The following SYDE2 variants were observed in gnomAD, a reference collection of about 807,000 sequenced individuals.
SYDE2 encodes the protein synapse defective Rho GTPase homolog 2, also known as rho GTPase-activating protein SYDE2.
Under a neutral mutation model 91.5 loss-of-function variants are expected in SYDE2, and 76 were observed. The ratio of observed to expected loss-of-function variants is 0.83; its 90% CI spans 0.69 to 1.01. The LOEUF is 1.01. Ranked by LOEUF, SYDE2 falls within the 50% of genes least tolerant of loss-of-function variation. The pLI is 0.00. For missense variants in SYDE2, 1,364 were observed against 1,367.7 expected (o/e 1.00, Z 0.04); for synonymous variants, 513 against 506.4 (o/e 1.01, Z -0.18).
At position 85,169,088 on chromosome 1, in the gene SYDE2, T is replaced by C. The variant is rs1246005599; in HGVS notation, c.2809A>G (p.Lys937Glu). The change falls in exon 5 of 7, where the codon AAG becomes GAG. Residue 937 changes from lysine (K) to glutamate (E), a missense_variant. Physicochemically the swap from Lys to Glu is moderately conservative, Grantham distance 56 (BLOSUM62 1). Coordinates refer to ENST00000341460, the MANE Select transcript of SYDE2 (RefSeq NM_032184.2). ...CAATCCAGCAGGTCAACAGTGTACTTAGAGTCACCTGGGTCATTCTCACAA... is the reference window on the plus strand; with the variant it reads ...CAATCCAGCAGGTCAACAGTGTACTCAGAGTCACCTGGGTCATTCTCACAA... ...NGCENDPGDS[K>E]YTVDLLDCLP... The C allele has an allele frequency of 4.3e-6, 7 of 1,613,786 alleles. No homozygotes were observed. The highest frequency in any genetic ancestry group is 4.0e-5 in the African/African-American group (3 of 74,926).
intron 1 of SYDE2, among the ~76,000 whole-genome samples, chr1:85,196,033 T>C (rs539462875): frequency 3.3e-5 from 5 of 152,300 alleles, no homozygotes; most frequent in African/African-American, 1.2e-4. Flanking sequence ...TACGGCCTCC[T>C]CTCTTGCATT....
chr1:85,179,532 C>T (rs1448611560), intron 3 of SYDE2, among the ~76,000 whole-genome samples: 1 of 152,148 alleles, frequency 6.6e-6, no homozygotes, highest in African/African-American at 2.4e-5. Flanking sequence ...GGTGCTGCTA[C>T]ATTCAAAAGG....
At chr1:85,152,639 G>T (rs918932866), downstream of SYDE2, 1 of 152,050 alleles carries the variant, frequency 6.6e-6, no homozygotes, top group African/African-American at 2.4e-5. Context: ...ACAATTAATT[G>T]AACAGCTTCT....
At chr1:85,156,297 T>C (rs1404105273), downstream of SYDE2, among the ~76,000 whole-genome samples, 1 of 151,848 alleles carries the variant, frequency 6.6e-6, no homozygotes, top group African/African-American at 2.4e-5. Context: ...CTGTAATCCT[T>C]GCACTTTGGG....
intron 4 of SYDE2, among the ~76,000 whole-genome samples, chr1:85,174,639 C>T (rs1657625645): frequency 6.6e-6 from 1 of 152,068 alleles, no homozygotes; most frequent in South Asian, 2.1e-4. Flanking sequence ...CTAACCCACC[C>T]CCACCTTACC....
chr1:85,194,417 C>G (rs1039331540), intron 1 of SYDE2, among the ~76,000 whole-genome samples: 3 of 147,916 alleles, frequency 2.0e-5, no homozygotes, highest in Non-Finnish European at 3.0e-5. Context: ...CAGGGTCTCA[C>G]TGTTGCCTAT....
chr1:85,168,745 CA>C (rs1455588211), intron 5 of SYDE2, among the ~76,000 whole-genome samples: 2 of 151,978 alleles, frequency 1.3e-5, no homozygotes, highest in East Asian at 3.9e-4. Context: ...TGTATCTTTT[CA>C]ATATTTCTAT....
rs1001695639 is a variant in SYDE2, at chr1:85,157,281, A to T, written c.*1469T>A. The T allele has an allele frequency of 6.6e-6, 1 of 152,084 alleles. No individual in the cohort carries two copies. Among genetic ancestry groups the T allele is most frequent in the Non-Finnish European group, 1.5e-5 (1 of 67,946 alleles). The allele number at this position is 152,084 out of a possible 1,614,324, so 9.4% of individuals were successfully genotyped here. A position where few individuals can be genotyped will look rare whatever the true frequency, so the allele number is the denominator to read the frequency against. On this transcript the variant is annotated 3_prime_UTR_variant, in exon 7 of 7. Coordinates refer to ENST00000341460, the MANE Select transcript of SYDE2 (RefSeq NM_032184.2). ...ACATATTCTGTAGATATAAAAGTTA[A>T]AAAAATACATTTTGATTTAATACAA...
intron 4 of SYDE2, among the ~76,000 whole-genome samples, chr1:85,175,177 T>G (rs1657648972): frequency 6.6e-6 from 1 of 152,210 alleles, no homozygotes; most frequent in East Asian, 1.9e-4. Flanking sequence ...TTAAAAAGCC[T>G]TCTGTTCTTT....
rs1462564119 is a variant in SYDE2 at position 85,164,550 on chromosome 1, G to T, written c.3061C>A (p.His1021Asn). The change falls in exon 6 of 7, where the codon CAT becomes AAT. Residue 1021 changes from histidine (H) to asparagine (N), a missense_variant. Coordinates refer to ENST00000341460, the MANE Select transcript of SYDE2 (RefSeq NM_032184.2). ...LDFKKHIEVL[H>N]YLLQLWPVQR... ...CCTGGCCAGAGTTGGAGTAAGTAAT[G>T]AAGAACTTCAATGTGTTTTTTAAAA... The T allele has an allele frequency of 6.2e-7, 1 of 1,600,796 alleles. No homozygotes were observed. The highest frequency in any genetic ancestry group is 1.1e-5 in the South Asian group (1 of 87,554).
chr1:85,167,166 T>C (rs1236875100), intron 5 of SYDE2, among the ~76,000 whole-genome samples: 2 of 149,692 alleles, frequency 1.3e-5, no homozygotes, highest in Admixed American at 6.6e-5. Flanking sequence ...GTGAGCTGTG[T>C]TTGCACCACC....
chr1:85,195,267 A>G (rs1197363704), intron 1 of SYDE2, among the ~76,000 whole-genome samples: 2 of 152,140 alleles, frequency 1.3e-5, no homozygotes, highest in Non-Finnish European at 2.9e-5. Flanking sequence ...AAAAATCCCA[A>G]ATAAAAGTAT....
chr1:85,171,185 A>C (rs1032403642), intron 4 of SYDE2, among the ~76,000 whole-genome samples: 58 of 152,304 alleles, frequency 3.8e-4, no homozygotes, highest in African/African-American at 1.3e-3. Context: ...TCTGAGATGA[A>C]AGAGATGACT....
At chr1:85,173,515 G>C (rs12084022) in intron 4 of SYDE2, among the ~76,000 whole-genome samples, 3,277 of 152,300 alleles carry the variant, frequency 0.022, 102 homozygotes, top group African/African-American at 0.075. Context: ...GTATATAGCA[G>C]AGTTTTGCTT....
At chr1:85,165,908 C>T (rs1286294575) in intron 5 of SYDE2, among the ~76,000 whole-genome samples, 4 of 124,722 alleles carry the variant, frequency 3.2e-5, no homozygotes, top group African/African-American at 1.3e-4. Context: ...GGGTCTCACT[C>T]TGTTGCCGAG....
chr1:85,166,448 CA>C (rs1474237534), intron 5 of SYDE2, among the ~76,000 whole-genome samples: 1 of 151,786 alleles, frequency 6.6e-6, no homozygotes, highest in Admixed American at 6.6e-5. Flanking sequence ...TTTCTGGAGC[CA>C]AAAGCGACAA....
Position 85,190,694 on chromosome 1 carries a change from C to T in SYDE2, c.804G>A (p.Lys268=), listed in dbSNP as rs780311278. ...SMKGRELEEL[K]DNIEFRGHKP... Reference sequence around the variant, plus strand: ...TATGACCTCTGAATTCAATATTATCCTTCAGCTCTTCAAGTTCTCTTCCCT... The same window carrying T: ...TATGACCTCTGAATTCAATATTATCTTTCAGCTCTTCAAGTTCTCTTCCCT... Residue 268 remains lysine, a synonymous_variant, in exon 2 of 7, where the codon AAG becomes AAA. Coordinates refer to ENST00000341460, the MANE Select transcript of SYDE2 (RefSeq NM_032184.2). 5.0e-6 allele frequency: 8 copies of T among 1,613,360 alleles called. No homozygotes were observed. The African/African-American group carries it at 8.0e-5, about 16-fold the overall frequency.
chr1:85,168,392 A>G (rs1657374196), intron 5 of SYDE2, among the ~76,000 whole-genome samples: 1 of 152,214 alleles, frequency 6.6e-6, no homozygotes, highest in Non-Finnish European at 1.5e-5. Context: ...AGGCAAATTT[A>G]GCCTCATCTA....
At chr1:85,178,581 C>T (rs1000667626) in intron 3 of SYDE2, among the ~76,000 whole-genome samples, 7 of 152,212 alleles carry the variant, frequency 4.6e-5, no homozygotes, top group African/African-American at 1.4e-4. Context: ...CAGGAATGTG[C>T]GCCCTTTCAC....
Sources: gnomAD v4.1 joint callset for allele counts (sites outside exome capture counted in the v4.1 genomes callset) on GRCh38, gnomAD v4.1.1 for gene constraint, MANE v1.5 for transcripts, NCBI Gene and HGNC (gene_info 2026-07-23, HGNC 2026-07-21) for gene names.